The following DEPDC1 variants were observed in gnomAD, a reference collection of about 807,000 sequenced individuals.
The protein encoded by DEPDC1 is DEP domain containing 1, also known as DEP domain-containing protein 1A.
DEPDC1 carries 66 observed loss-of-function variants against 86.8 expected under a neutral mutation model. The ratio of observed to expected loss-of-function variants is 0.76; its 90% CI spans 0.62 to 0.93. The LOEUF is 0.93. Ranked by LOEUF, DEPDC1 falls within the 40% of genes least tolerant of loss-of-function variation. DEPDC1 has a pLI of 0.00. For synonymous variants in DEPDC1, 255 were observed against 314.9 expected (o/e 0.81, Z 2.02); for missense variants, 792 against 935.7 (o/e 0.85, Z 2.00).
chr1:68,481,256 C>T (rs763524432), intron 9 of DEPDC1, among the ~76,000 whole-genome samples, 184 bp downstream of exon 9: 1 of 151,974 alleles, frequency 6.6e-6, no homozygotes, highest in Non-Finnish European at 1.5e-5. Flanking sequence ...GAAAGTATAA[C>T]AGAGTGTGCA....
rs941032994 is a variant in DEPDC1, at chr1:68,496,721, G to A, written c.48+231C>T. ...ATAGCGAGTCTGGTGCGGCCTACGC[G>A]CGGCGCTTCCTTTCGGACCTGAGGC... On this transcript the variant is annotated intron_variant, in intron 1 of 11. Coordinates refer to ENST00000456315, the MANE Select transcript of DEPDC1 (RefSeq NM_001114120.3). This position sits in a 1 kb window ranked among gnomAD's most constrained non-coding sequence, Gnocchi z 4.0. The A allele has an allele frequency of 1.1e-5, 5 of 444,994 alleles. No homozygotes were observed. Among genetic ancestry groups the A allele is most frequent in the African/African-American group, 1.0e-4 (5 of 48,796 alleles). The allele number at this position is 444,994 out of a possible 1,614,324, so 27.6% of individuals were successfully genotyped here. A position where few individuals can be genotyped will look rare whatever the true frequency, so the allele number is the denominator to read the frequency against.
chr1:68,477,301 C>G (rs1225248185), intron 11 of DEPDC1, among the ~76,000 whole-genome samples: 1 of 151,602 alleles, frequency 6.6e-6, no homozygotes, highest in African/African-American at 2.4e-5. Context: ...TGTTAATTCT[C>G]CCCCTAAATT....
In DEPDC1 at chr1:68,477,857, G is replaced by A. The variant is rs753312452; in HGVS notation, c.2228C>T (p.Ala743Val). 3.8e-6 allele frequency: 6 copies of A among 1,585,026 alleles called. No homozygotes were observed. The highest frequency in any genetic ancestry group is 4.3e-6 in the Non-Finnish European group (5 of 1,165,004). Residue 743 changes from alanine to valine, a missense_variant, in exon 11 of 12, where the codon GCA becomes GTA. Transcript: ENST00000456315. ...QKVSTSQAAI[A>V]ELLENIIKNR... is the part of the protein sequence containing the mutation. ...TTTAATAATATTTTCTAAAAGTTCT[G>A]CAATTGCAGCTTGAGAGGTAGAAAC...
At chr1:68,494,766 T>C (rs903635224) in intron 1 of DEPDC1, 71 bp from the exon 2 acceptor site, 135 of 1,235,340 alleles carry the variant, frequency 1.1e-4, no homozygotes, top group Non-Finnish European at 1.4e-4. Context: ...TGAAGTACAT[T>C]AGGTAAAGAA....
rs779691889 is a variant in DEPDC1, at chr1:68,494,516, C to T, written c.228G>A (p.Leu76=). Residue 76 remains leucine (L), a synonymous_variant, in exon 2 of 12, where the codon TTG becomes TTA. Transcript: ENST00000456315. ...TTACATGATTCTTAAGAAATTTCCT[C>T]AACAGTTGGATAGTCTGTTGCCTTG... ...EVTRQQTIQL[L]RKFLKNHVIE... is the part of the protein sequence containing the mutation. 4 of 1,613,752 alleles carry T rather than the reference C, an allele frequency of 2.5e-6. No homozygotes were observed. In the Admixed American group the frequency reaches 5.0e-5, roughly 20 times the overall value.
chr1:68,488,307 TTACAC>T, intron 5 of DEPDC1, 62 bp downstream of exon 5: 2 of 1,457,144 alleles, frequency 1.4e-6, no homozygotes, highest in South Asian at 3.1e-5. Context: ...GGGTCTCTCT[TTACAC>T]TACTATAGCT....
intron 9 of DEPDC1, among the ~76,000 whole-genome samples, chr1:68,480,359 G>A (rs946244151): frequency 2.6e-5 from 4 of 151,578 alleles, no homozygotes; most frequent in Admixed American, 1.3e-4. Flanking sequence ...AATATTTATA[G>A]AATTGATACA....
Position 68,486,921 on chromosome 1 carries a change from CATATATT to C in DEPDC1, c.769+9_769+15del. 3 of 1,468,138 alleles carry C rather than the reference CATATATT, an allele frequency of 2.0e-6. No homozygotes were observed. The highest frequency in any genetic ancestry group is 2.8e-6 in the Non-Finnish European group (3 of 1,086,170). The allele number at this position is 1,468,138 out of a possible 1,614,324, so 90.9% of individuals were successfully genotyped here. The stretch of plus-strand genomic sequence containing the variant: ...ACACACACACACACACACACACACA[CATATATT>C]TAACTTACAATTTGCTAGGCACTTC... On this transcript the variant is annotated intron_variant, in intron 6 of 11. Coordinates refer to ENST00000456315, the MANE Select transcript of DEPDC1 (RefSeq NM_001114120.3).
Position 68,496,767 on chromosome 1 carries a change from G to A in DEPDC1, c.48+185C>T, listed in dbSNP as rs530598134. 1.7e-5 allele frequency: 10 copies of A among 580,564 alleles called. No individual in the cohort carries two copies. The East Asian group carries it at 3.2e-4, about 18-fold the overall frequency. The allele number at this position is 580,564 out of a possible 1,614,324, so 36.0% of individuals were successfully genotyped here. A position where few individuals can be genotyped will look rare whatever the true frequency, so the allele number is the denominator to read the frequency against. ...GAGGCCCAGACCCTCAAAATAGAGGGAGCGGTGAGTCTGGCAAGGGTTGCA... is the reference window on the plus strand; with the variant it reads ...GAGGCCCAGACCCTCAAAATAGAGGAAGCGGTGAGTCTGGCAAGGGTTGCA... On this transcript the variant is annotated intron_variant, in intron 1 of 11. Coordinates refer to ENST00000456315, the MANE Select transcript of DEPDC1 (RefSeq NM_001114120.3). The surrounding 1 kb of genome is among the most constrained non-coding windows in gnomAD (Gnocchi z 4.0).
At chr1:68,489,425 C>T (rs558110560) in intron 3 of DEPDC1, 27 bp downstream of exon 3, 5 of 1,372,184 alleles carry the variant, frequency 3.6e-6, no homozygotes, top group East Asian at 2.7e-5. Context: ...TATATTTAAA[C>T]TAGTAATTAG....
Position 68,496,929 on chromosome 1 carries a change from C to G in DEPDC1, c.48+23G>C. 6.2e-7 allele frequency: 1 copy of G among 1,606,718 alleles called. No homozygotes were observed. The highest frequency in any genetic ancestry group is 8.5e-7 in the Non-Finnish European group (1 of 1,175,432). On this transcript the variant is annotated intron_variant, in intron 1 of 11. Coordinates refer to ENST00000456315, the MANE Select transcript of DEPDC1 (RefSeq NM_001114120.3). The surrounding 1 kb of genome is among the most constrained non-coding windows in gnomAD (Gnocchi z 4.0). Reference sequence around the variant, plus strand: ...GACTGCCGTCAGCCCGCTGACCGGTCCCGTCTATCCGAGCTGTCTTACCAG... The same window carrying G: ...GACTGCCGTCAGCCCGCTGACCGGTGCCGTCTATCCGAGCTGTCTTACCAG...
intron 7 of DEPDC1, chr1:68,483,529 AGGCTGAG>A (rs1646172463): frequency 6.2e-6 from 2 of 322,570 alleles, no homozygotes; most frequent in Non-Finnish European, 1.2e-5. Context: ...TAAAACATGC[AGGCTGAG>A]GGAGTTTTCT....
rs1018575398 is a variant in DEPDC1, at chr1:68,497,056, G to A, written c.-57C>T. 5.0e-6 allele frequency: 8 copies of A among 1,590,094 alleles called. No individual in the cohort carries two copies. The African/African-American group carries it at 8.1e-5, about 16-fold the overall frequency. ...GGCGAAGGCGACACTCAGGCCCAGC[G>A]GCCGCGGCAGTGGCGAGTCTCGGCA... On this transcript the variant is annotated 5_prime_UTR_variant, in exon 1 of 12. Coordinates refer to ENST00000456315, the MANE Select transcript of DEPDC1 (RefSeq NM_001114120.3).
chr1:68,483,281 G>C lies in DEPDC1; in HGVS notation c.911-384C>G, dbSNP rs762555530. 5 of 521,402 alleles carry C rather than the reference G, an allele frequency of 9.6e-6. No homozygotes were observed. The East Asian group carries it at 2.7e-4, about 28-fold the overall frequency. 32.3% of individuals were successfully genotyped at this position (521,402 alleles called of 1,614,324 possible). A position where few individuals can be genotyped will look rare whatever the true frequency, so the allele number is the denominator to read the frequency against. On this transcript the variant is annotated intron_variant, in intron 7 of 11. Transcript: ENST00000456315. ...ATCTTTGTCCTTGGTACCTGGTATGGAGCTCCTAAAATCCTTGAAATTTCC... is the reference window on the plus strand; with the variant it reads ...ATCTTTGTCCTTGGTACCTGGTATGCAGCTCCTAAAATCCTTGAAATTTCC...
rs750326933 is a variant in DEPDC1, at chr1:68,494,475, C to T, written c.269G>A (p.Gly90Glu). Residue 90 changes from glycine to glutamate, a missense_variant, in exon 2 of 12, where the codon GGG becomes GAG. Coordinates refer to ENST00000456315, the MANE Select transcript of DEPDC1 (RefSeq NM_001114120.3). ...LKNHVIEDIK[G>E]RWGSENVDDN... ...ATCAACATTTTCTGATCCCCACCTC[C>T]CTTTGATATCTTCAATTACATGATT... 5 of 1,613,566 alleles carry T rather than the reference C, an allele frequency of 3.1e-6. No individual in the cohort carries two copies. In the African/African-American group the frequency reaches 6.7e-5, roughly 22 times the overall value.
chr1:68,496,994 C>G lies in DEPDC1; in HGVS notation c.6G>C (p.Glu2Asp), dbSNP rs1350071843. 1 of 1,612,772 alleles carries G rather than the reference C, an allele frequency of 6.2e-7. No individual in the cohort carries two copies. The highest frequency in any genetic ancestry group is 8.5e-7 in the Non-Finnish European group (1 of 1,179,124). The change falls in exon 1 of 12, where the codon GAG (glutamate) becomes GAC (aspartate). Residue 2 changes from glutamate to aspartate, a missense_variant. Coordinates refer to ENST00000456315, the MANE Select transcript of DEPDC1 (RefSeq NM_001114120.3). This position sits in a 1 kb window ranked among gnomAD's most constrained non-coding sequence, Gnocchi z 4.0. M[E>D]SQGVPPGPYR... Reference sequence around the variant, plus strand: ...AAGGCCCGGGAGGCACACCCTGACTCTCCATAGGTCTGTCAGCGCCCGGTG... The same window carrying G: ...AAGGCCCGGGAGGCACACCCTGACTGTCCATAGGTCTGTCAGCGCCCGGTG...
rs116436345 is a variant in DEPDC1, at chr1:68,474,913, T to A, written c.*2019A>T. The A allele has an allele frequency of 2.0e-5, 3 of 152,170 alleles. No individual in the cohort carries two copies. Among genetic ancestry groups the A allele is most frequent in the Admixed American group, 1.3e-4 (2 of 15,258 alleles). 9.4% of individuals were successfully genotyped at this position (152,170 alleles called of 1,614,324 possible). A position where few individuals can be genotyped will look rare whatever the true frequency, so the allele number is the denominator to read the frequency against. On this transcript the variant is annotated 3_prime_UTR_variant, in exon 12 of 12. Coordinates refer to ENST00000456315, the MANE Select transcript of DEPDC1 (RefSeq NM_001114120.3). Reference sequence around the variant, plus strand: ...TTGTCCGTAATTTTGTTTTGGTTCATGTCTGTCCAAAGCAACAGAAAGGAC... The same window carrying A: ...TTGTCCGTAATTTTGTTTTGGTTCAAGTCTGTCCAAAGCAACAGAAAGGAC...
intron 10 of DEPDC1, 65 bp from the exon 11 acceptor site, chr1:68,478,037 T>C: frequency 1.6e-6 from 2 of 1,216,876 alleles, no homozygotes. Context: ...TAAAGTATTC[T>C]TTTGATGGGA....
chr1:68,493,801 C>G (rs1646244833), intron 2 of DEPDC1, among the ~76,000 whole-genome samples: 1 of 152,156 alleles, frequency 6.6e-6, no homozygotes. Flanking sequence ...CTGCAACCTC[C>G]ACCTCCCAGG....
Sources: allele counts gnomAD v4.1 joint callset (sites outside exome capture counted in the v4.1 genomes callset), GRCh38; gene constraint gnomAD v4.1.1; non-coding constraint Gnocchi (gnomAD v3.1); transcripts MANE v1.5; gene names NCBI Gene and HGNC (gene_info 2026-07-23, HGNC 2026-07-21).